Variants in PCDHGB1 observed in about 807,000 individuals in gnomAD.
PCDHGB1 encodes protocadherin gamma-B1.
In PCDHGB1, 34 loss-of-function variants were observed where a neutral mutation model predicts 56.6. The ratio of observed to expected loss-of-function variants is 0.60; its 90% CI spans 0.46 to 0.80. The LOEUF is 0.80. Among genes scored for constraint, PCDHGB1 ranks in the 30% least tolerant of loss-of-function variants. The probability of loss-of-function intolerance (pLI) is 0.00; values close to 1 mark genes in which losing one functional copy is unlikely to be tolerated. For synonymous variants in PCDHGB1, 561 were observed against 505.9 expected (o/e 1.11, Z -1.46); for missense variants, 1,278 against 1,204.6 (o/e 1.06, Z -0.90).
chr5:141,477,978 T>A lies in PCDHGB1; in HGVS notation c.2410-16829T>A. ...TCCCCTAACCAGAGCCTTTTTGCCA[T>A]AGGGCTGCACACTGGTCAAATCAGT... is the stretch of plus-strand genomic sequence containing the variant. On this transcript the variant is annotated intron_variant, in intron 1 of 3. Transcript: ENST00000523390. The surrounding 1 kb of genome is among the most constrained non-coding windows in gnomAD (Gnocchi z 4.9). The A allele has an allele frequency of 6.2e-7, 1 of 1,614,120 alleles. No individual in the cohort carries two copies. Among genetic ancestry groups the A allele is most frequent in the Non-Finnish European group, 8.5e-7 (1 of 1,180,022 alleles).
At chr5:141,384,677 C>A in intron 1 of PCDHGB1, 3 of 1,614,188 alleles carry the variant, frequency 1.9e-6, no homozygotes, top group Non-Finnish European at 2.5e-6. Context: ...AAGGTGGTGG[C>A]GGTGGACAAA....
chr5:141,410,118 G>T (rs2095358965), intron 1 of PCDHGB1: 3 of 1,612,304 alleles, frequency 1.9e-6, no homozygotes, highest in East Asian at 4.5e-5. Context: ...GACGCAGCCC[G>T]CCAGCGCCTG....
At chr5:141,375,185 C>G in intron 1 of PCDHGB1, 1 of 1,613,948 alleles carries the variant, frequency 6.2e-7, no homozygotes, top group Non-Finnish European at 8.5e-7. Context: ...AGTAATCGCC[C>G]TTTTTCAAGT....
chr5:141,431,932 CT>C lies in PCDHGB1; in HGVS notation c.2410-62872del, dbSNP rs748715936. ...TCTGTTTCATCCAAGGAAATCTGCC[CT>C]TTAAATTAGAAAAATCTTACGGAAA... On this transcript the variant is annotated intron_variant, in intron 1 of 3. Transcript: ENST00000523390. The surrounding 1 kb of genome is among the most constrained non-coding windows in gnomAD (Gnocchi z 4.8). The C allele has an allele frequency of 6.2e-7, 1 of 1,614,172 alleles. No individual in the cohort carries two copies. Among genetic ancestry groups the C allele is most frequent in the Non-Finnish European group, 8.5e-7 (1 of 1,180,002 alleles).
intron 1 of PCDHGB1, chr5:141,388,158 A>T (rs763395906): frequency 3.4e-5 from 50 of 1,469,960 alleles, no homozygotes; most frequent in Non-Finnish European, 4.7e-5. Flanking sequence ...CAGGCTAGAC[A>T]GGGAGGAGAT....
intron 1 of PCDHGB1, among the ~76,000 whole-genome samples, chr5:141,466,387 A>G (rs1312030857): frequency 1.3e-5 from 2 of 152,108 alleles, no homozygotes; most frequent in Non-Finnish European, 2.9e-5. Flanking sequence ...CATCTAATGG[A>G]AAGTTTGCTC....
chr5:141,425,371 G>T (rs1396857898), intron 1 of PCDHGB1, among the ~76,000 whole-genome samples: 3 of 152,186 alleles, frequency 2.0e-5, no homozygotes, highest in African/African-American at 7.2e-5. Context: ...AGAGGGTTAT[G>T]TTGATTCGGA....
Position 141,350,383 on chromosome 5 carries a change from C to T in PCDHGB1, c.123C>T (p.Asn41=). The T allele has an allele frequency of 1.3e-6, 2 of 1,590,220 alleles. No individual in the cohort carries two copies. Among genetic ancestry groups the T allele is most frequent in the Non-Finnish European group, 1.7e-6 (2 of 1,166,232 alleles). The change falls in exon 1 of 4, where the codon AAC becomes AAT. Residue 41 remains asparagine (N), a synonymous_variant. Coordinates refer to ENST00000523390, the MANE Select transcript of PCDHGB1 (RefSeq NM_018922.3). ...IRYTIPEELA[N]GSRVGKLAKD... The stretch of plus-strand genomic sequence containing the variant: ...ACACGATTCCAGAGGAGCTAGCCAA[C>T]GGCTCACGGGTGGGGAAACTTGCCA...
chr5:141,357,485 A>C (rs1348753984), intron 1 of PCDHGB1: 9 of 1,614,044 alleles, frequency 5.6e-6, no homozygotes, highest in Non-Finnish European at 7.6e-6. Flanking sequence ...CTCACCGCGG[A>C]CTCGCGGAAG....
At chr5:141,369,892 TATG>T (rs1425925280) in intron 1 of PCDHGB1, among the ~76,000 whole-genome samples, 1 of 152,208 alleles carries the variant, frequency 6.6e-6, no homozygotes. Context: ...AAGATATTAT[TATG>T]ACCATTTTAT....
intron 1 of PCDHGB1, chr5:141,393,678 A>T: frequency 6.2e-7 from 1 of 1,613,904 alleles, no homozygotes; most frequent in Non-Finnish European, 8.5e-7. Context: ...TGAAAAACAA[A>T]CTCCGTTATT....
In PCDHGB1 at chr5:141,490,072, G is replaced by A; in HGVS notation, c.2410-4735G>A. On this transcript the variant is annotated intron_variant, in intron 1 of 3. Transcript: ENST00000523390. This position sits in a 1 kb window ranked among gnomAD's most constrained non-coding sequence, Gnocchi z 5.4. ...AGACGAGGGCACCAACGGCCAACTA[G>A]ACTATTCTTTTGGAGACCACACATC... is the stretch of plus-strand genomic sequence containing the variant. The A allele has an allele frequency of 6.2e-7, 1 of 1,614,254 alleles. No homozygotes were observed. The highest frequency in any genetic ancestry group is 8.5e-7 in the Non-Finnish European group (1 of 1,180,042).
Position 141,394,654 on chromosome 5 carries a change from C to G in PCDHGB1, c.2409+41985C>G, listed in dbSNP as rs372355655. On this transcript the variant is annotated intron_variant, in intron 1 of 3. Transcript: ENST00000523390. Reference sequence around the variant, plus strand: ...TACCGCCTGCTCAAGGCCAGCGAGCCGGGACTCTTCTCGGTGGGTCTGCAC... The same window carrying G: ...TACCGCCTGCTCAAGGCCAGCGAGCGGGGACTCTTCTCGGTGGGTCTGCAC... 47 of 1,613,236 alleles carry G rather than the reference C, an allele frequency of 2.9e-5. No homozygotes were observed. The African/African-American group carries it at 5.7e-4, about 20-fold the overall frequency.
At chr5:141,497,664 C>T (rs779506763) in intron 2 of PCDHGB1, among the ~76,000 whole-genome samples, 14 of 151,904 alleles carry the variant, frequency 9.2e-5, no homozygotes, top group Non-Finnish European at 1.8e-4. Context: ...CTCAGCCTCC[C>T]GAGTAGCTGG....
chr5:141,415,845 A>G, intron 1 of PCDHGB1: 1 of 1,246,436 alleles, frequency 8.0e-7, no homozygotes, highest in Non-Finnish European at 1.0e-6. Flanking sequence ...TTAGCTTTGC[A>G]GAACCTTGTA....
rs1461617825 is a variant in PCDHGB1, at chr5:141,431,902, G to A, written c.2410-62905G>A. On this transcript the variant is annotated intron_variant, in intron 1 of 3. Coordinates refer to ENST00000523390, the MANE Select transcript of PCDHGB1 (RefSeq NM_018922.3). This position sits in a 1 kb window ranked among gnomAD's most constrained non-coding sequence, Gnocchi z 4.8. ...ACCAAGATTCTGAGGAAAACGGACA[G>A]GTGATCTGTTTCATCCAAGGAAATC... 1.2e-6 allele frequency: 2 copies of A among 1,613,764 alleles called. No homozygotes were observed. The highest frequency in any genetic ancestry group is 1.3e-5 in the African/African-American group (1 of 74,918).
At chr5:141,388,697 G>T in intron 1 of PCDHGB1, 1 of 1,613,998 alleles carries the variant, frequency 6.2e-7, no homozygotes, top group South Asian at 1.1e-5. Flanking sequence ...ACCAGGATGA[G>T]GGTGTCAATG....
chr5:141,366,147 ACCG>A, intron 1 of PCDHGB1: 1 of 1,614,152 alleles, frequency 6.2e-7, no homozygotes, highest in East Asian at 2.2e-5. Flanking sequence ...TGGCTGTCCT[ACCG>A]CCTGCTTAAG....
At position 141,360,035 on chromosome 5, in the gene PCDHGB1, G is replaced by A. The variant is rs78319344; in HGVS notation, c.2409+7366G>A. The A allele has an allele frequency of 1.7e-3, 2,428 of 1,406,266 alleles. 36 individuals carry two copies. In the African/African-American group the frequency reaches 0.032, roughly 18 times the overall value. The allele number at this position is 1,406,266 out of a possible 1,614,324, so 87.1% of individuals were successfully genotyped here. On this transcript the variant is annotated intron_variant, in intron 1 of 3. Transcript: ENST00000523390. ...CACAGAGAAGGCCAGTATAGATTCGGAAACAGAAAACAAAAGCAGGAAAAG... is the reference window on the plus strand; with the variant it reads ...CACAGAGAAGGCCAGTATAGATTCGAAAACAGAAAACAAAAGCAGGAAAAG...
Sources: gnomAD v4.1 joint callset for allele counts (sites outside exome capture counted in the v4.1 genomes callset) on GRCh38, gnomAD v4.1.1 for gene constraint, Gnocchi (gnomAD v3.1) non-coding constraint, MANE v1.5 for transcripts, NCBI Gene and HGNC (gene_info 2026-07-23, HGNC 2026-07-21) for gene names.